The following NAA11 variants were observed in gnomAD, a reference collection of about 807,000 sequenced individuals.
NAA11 encodes N-alpha-acetyltransferase 11, NatA catalytic subunit.
Under a neutral mutation model 16.1 loss-of-function variants are expected in NAA11, and 15 were observed. The observed-to-expected ratio is 0.93, with a 90% CI of 0.62 to 1.44. NAA11 has a LOEUF of 1.44. Ranked by LOEUF, NAA11 falls within the 40% of genes most tolerant of loss-of-function variation. NAA11 has a pLI of 0.00. For synonymous variants in NAA11, 122 were observed against 112.4 expected (o/e 1.09, Z -0.54); for missense variants, 298 against 291.3 (o/e 1.02, Z -0.17).
At chr4:79,223,908 A>C (rs535846453), downstream of NAA11, among the ~76,000 whole-genome samples, 6 of 152,148 alleles carry the variant, frequency 3.9e-5, no homozygotes, top group Non-Finnish European at 8.8e-5. Context: ...GACAGTATGC[A>C]TAGAAATTCT....
In NAA11 at chr4:79,261,312, G is replaced by C. The variant is rs575744123; in HGVS notation, c.*122+32693C>G. On this transcript the variant is annotated intron_variant and NMD_transcript_variant, in intron 2 of 2. Transcript: ENST00000511542. ...ATGCTTCAGGTATTGTTTTGGCTGAGTGTGAAACCAAGTGACTGAAACCCC... is the reference window on the plus strand; with the variant it reads ...ATGCTTCAGGTATTGTTTTGGCTGACTGTGAAACCAAGTGACTGAAACCCC... 1.2e-3 allele frequency among the ~76,000 whole-genome samples: 179 copies of C among 152,270 alleles called. 1 individual carries two copies. The highest frequency in any genetic ancestry group is 4.1e-3 in the African/African-American group (170 of 41,546).
the NAA11 span, among the ~76,000 whole-genome samples, chr4:79,207,355 G>GATTC: frequency 8.3e-6 from 1 of 120,190 alleles, no homozygotes; most frequent in African/African-American, 3.0e-5. Context: ...GGTAATTAAG[G>GATTC]TTGAATGAGG....
the NAA11 span, among the ~76,000 whole-genome samples, chr4:79,191,383 G>A: frequency 6.6e-6 from 1 of 151,580 alleles, no homozygotes; most frequent in Non-Finnish European, 1.5e-5. Context: ...TGACTGGTGT[G>A]AGATGGTATC....
intron 2 of NAA11, among the ~76,000 whole-genome samples, chr4:79,286,524 T>C (rs1016362026): frequency 7.2e-5 from 11 of 152,118 alleles, no homozygotes; most frequent in Non-Finnish European, 1.0e-4. Context: ...TTTTAATATC[T>C]GAATCATATT....
At chr4:79,175,743 T>TAAAAAAAAAAAAAAA in the NAA11 span, among the ~76,000 whole-genome samples, 1 of 123,502 alleles carries the variant, frequency 8.1e-6, no homozygotes. Flanking sequence ...GTAATCACTG[T>TAAAAAAAAAAAAAAA]AAAAAAAAAA....
chr4:79,198,893 T>C, the NAA11 span, among the ~76,000 whole-genome samples: 1 of 151,932 alleles, frequency 6.6e-6, no homozygotes, highest in Non-Finnish European at 1.5e-5. Flanking sequence ...ACCCAAATTC[T>C]ATGCAACCTG....
chr4:79,325,287 C>T lies in NAA11; in HGVS notation c.591G>A (p.Pro197=), dbSNP rs773656984. The T allele has an allele frequency of 1.6e-5, 26 of 1,613,800 alleles. No homozygotes were observed. Among genetic ancestry groups the T allele is most frequent in the Non-Finnish European group, 2.1e-5 (25 of 1,179,820 alleles). Residue 197 remains proline, a synonymous_variant, in exon 1 of 2, where the codon CCG becomes CCA. Transcript: ENST00000286794. The part of the protein sequence containing the change: ...DSEEACQQKN[P]ATEESGSDSK... ...TGTCACTGCCACTTTCTTCGGTAGC[C>T]GGGTTCTTTTGCTGACAGGCCTCTT...
chr4:79,245,003 C>T (rs13138921), intron 2 of NAA11: 121,292 of 168,300 alleles, frequency 0.72, 46,000 homozygotes, highest in East Asian at 0.89. Flanking sequence ...GCCACCTGCC[C>T]TGGCCTCCCA....
intron 2 of NAA11, among the ~76,000 whole-genome samples, chr4:79,263,137 T>C (rs910052626): frequency 6.6e-6 from 1 of 152,202 alleles, no homozygotes; most frequent in Non-Finnish European, 1.5e-5. Context: ...CGTGGTATTT[T>C]TATTCCTTTT....
At chr4:79,179,093 G>C in the NAA11 span, among the ~76,000 whole-genome samples, 3 of 152,288 alleles carry the variant, frequency 2.0e-5, no homozygotes, top group South Asian at 2.1e-4. Context: ...TTATCAAAAG[G>C]ACAGGTATAT....
chr4:79,313,265 TA>T (rs1723832306), downstream of NAA11, among the ~76,000 whole-genome samples: 1 of 152,222 alleles, frequency 6.6e-6, no homozygotes, highest in Admixed American at 6.5e-5. Context: ...GGTTTTTTTT[TA>T]CACTAACTCA....
Position 79,267,721 on chromosome 4 carries a change from TAG to T in NAA11, c.*122+26282_*122+26283del, listed in dbSNP as rs536190057. 4.6e-5 allele frequency among the ~76,000 whole-genome samples: 7 copies of T among 152,244 alleles called. No individual in the cohort carries two copies. In the East Asian group the frequency reaches 1.4e-3, roughly 29 times the overall value. Reference sequence around the variant, plus strand: ...ATAGTTGTTGGTGTGACACCACAGGTAGAGTTTATTTCCCATCCTGATGACTG... The same window carrying T: ...ATAGTTGTTGGTGTGACACCACAGGTAGTTTATTTCCCATCCTGATGACTG... On this transcript the variant is annotated intron_variant and NMD_transcript_variant, in intron 2 of 2. Coordinates refer to the NAA11 transcript ENST00000511542.
At chr4:79,217,871 A>C in the NAA11 span, among the ~76,000 whole-genome samples, 1 of 152,294 alleles carries the variant, frequency 6.6e-6, no homozygotes, top group Admixed American at 6.5e-5. Context: ...CTAAATCTTA[A>C]AAGAGAGAAG....
intron 2 of NAA11, among the ~76,000 whole-genome samples, chr4:79,233,436 C>CTTG (rs1721507947): frequency 6.6e-6 from 1 of 151,778 alleles, no homozygotes; most frequent in Admixed American, 6.6e-5. Context: ...AAAGGAATCC[C>CTTG]TTGTTTTTCT....
At chr4:79,239,721 A>G (rs1290046893) in intron 2 of NAA11, among the ~76,000 whole-genome samples, 1 of 152,086 alleles carries the variant, frequency 6.6e-6, no homozygotes, top group African/African-American at 2.4e-5. Context: ...ATGTTTGTGA[A>G]TGGACCTCTT....
intron 2 of NAA11, chr4:79,227,440 G>T (rs545002415): frequency 2.2e-4 from 33 of 151,954 alleles, no homozygotes; most frequent in Non-Finnish European, 8.8e-5. Flanking sequence ...GCTAAATCTT[G>T]ACTTCTATTG....
intron 2 of NAA11, among the ~76,000 whole-genome samples, chr4:79,228,305 C>A (rs950704219): frequency 6.6e-6 from 1 of 151,954 alleles, no homozygotes; most frequent in African/African-American, 2.4e-5. Context: ...ACTCTGACCA[C>A]TAAAGAATTT....
Position 79,325,425 on chromosome 4 carries a change from G to C in NAA11, c.453C>G (p.Leu151=), listed in dbSNP as rs777175745. 6.2e-7 allele frequency: 1 copy of C among 1,614,208 alleles called. No individual in the cohort carries two copies. Among genetic ancestry groups the C allele is most frequent in the Non-Finnish European group, 8.5e-7 (1 of 1,180,052 alleles). The stretch of plus-strand genomic sequence containing the variant: ...GTCTCAGCTCATCTGCCATCTGCGA[G>C]AGATCCCGCTTCATAGCATAAGCAT... The part of the protein sequence containing the change: ...GEDAYAMKRD[L]SQMADELRRQ... The change falls in exon 1 of 2, where the codon CTC becomes CTG. Residue 151 remains leucine, a synonymous_variant. Coordinates refer to ENST00000286794, the MANE Select transcript of NAA11 (RefSeq NM_032693.3).
chr4:79,282,697 A>G (rs1722821792), intron 2 of NAA11, among the ~76,000 whole-genome samples: 1 of 152,150 alleles, frequency 6.6e-6, no homozygotes, highest in South Asian at 2.1e-4. Context: ...AATGAGTTGC[A>G]TATTAGAAAT....
Sources: allele counts gnomAD v4.1 joint callset (sites outside exome capture counted in the v4.1 genomes callset), GRCh38; gene constraint gnomAD v4.1.1; transcripts MANE v1.5; gene names NCBI Gene and HGNC (gene_info 2026-07-23, HGNC 2026-07-21).